MYADML2: variants seen among roughly 807,000 people sequenced by gnomAD.
The protein encoded by MYADML2 is myeloid-associated differentiation marker-like protein 2.
In MYADML2, 17 loss-of-function variants were observed where a neutral mutation model predicts 16.0. The observed-to-expected ratio is 1.06, with a 90% CI of 0.73 to 1.60. The LOEUF (loss-of-function observed/expected upper bound fraction) is 1.60, where lower values mean the gene tolerates loss of function less well. MYADML2 is among the 40% of genes most tolerant of loss of function. The pLI is 0.00. For missense variants in MYADML2, 422 were observed against 437.7 expected (o/e 0.96, Z 0.32); for synonymous variants, 210 against 208.1 (o/e 1.01, Z -0.08).
chr17:81,945,701 CAAAA>C (rs993338502), intron 1 of MYADML2, among the ~76,000 whole-genome samples: 1 of 119,266 alleles, frequency 8.4e-6, no homozygotes. Context: ...GACTCCATCT[CAAAA>C]AAAAAAAAAA....
In MYADML2 at chr17:81,941,788, GTC is replaced by G. The variant is rs917983503; in HGVS notation, c.-49_-48del. The G allele has an allele frequency of 9.5e-5, 138 of 1,457,070 alleles. No homozygotes were observed. In the African/African-American group the frequency reaches 1.5e-3, roughly 15 times the overall value. 90.3% of individuals were successfully genotyped at this position (1,457,070 alleles called of 1,614,324 possible). A position where few individuals can be genotyped will look rare whatever the true frequency, so the allele number is the denominator to read the frequency against. On this transcript the variant is annotated 5_prime_UTR_variant, in exon 3 of 3. Coordinates refer to ENST00000409745, the MANE Select transcript of MYADML2 (RefSeq NM_001145113.3). ...TCACACAGTCCCCCAAGGCCCTGGG[GTC>G]CCTGCTGGGCCAAGGCCCCTCAGTC...
chr17:81,943,646 G>A lies in MYADML2; in HGVS notation c.-180-1273C>T, dbSNP rs1371607172. Among the ~76,000 whole-genome samples, 91 of 140,574 alleles carry A rather than the reference G, an allele frequency of 6.5e-4. No homozygotes were observed. In the Middle Eastern group the frequency reaches 0.015, roughly 23 times the overall value. 92.2% of individuals were successfully genotyped at this position (140,574 alleles called of 152,430 possible). A position where few individuals can be genotyped will look rare whatever the true frequency, so the allele number is the denominator to read the frequency against. On this transcript the variant is annotated intron_variant, in intron 1 of 2. Transcript: ENST00000409745. ...TCTCGATCTCCTGACCTCGTGATCC[G>A]CCCGCCTCAGCCTCCCAAAGTGCTG...
chr17:81,946,792 A>G (rs977842860), intron 1 of MYADML2, among the ~76,000 whole-genome samples: 3 of 152,104 alleles, frequency 2.0e-5, no homozygotes, highest in Non-Finnish European at 2.9e-5. Flanking sequence ...ACCAACCAAC[A>G]TGGTGAAATC....
In MYADML2 at chr17:81,940,667, C is replaced by T. The variant is rs2143917731; in HGVS notation, c.*151G>A. The T allele has an allele frequency of 9.6e-6, 8 of 834,612 alleles. No homozygotes were observed. Among genetic ancestry groups the T allele is most frequent in the South Asian group, 7.5e-5 (4 of 53,674 alleles). The allele number at this position is 834,612 out of a possible 1,614,324, so 51.7% of individuals were successfully genotyped here. ...GTCCCTCTGAGCCCAGTCTGGAAGTCGGGGAGTGACCTCTCCCGTTGTACT... is the reference window on the plus strand; with the variant it reads ...GTCCCTCTGAGCCCAGTCTGGAAGTTGGGGAGTGACCTCTCCCGTTGTACT... On this transcript the variant is annotated 3_prime_UTR_variant, in exon 3 of 3. Coordinates refer to ENST00000409745, the MANE Select transcript of MYADML2 (RefSeq NM_001145113.3).
At chr17:81,945,322 G>A (rs533558128) in intron 1 of MYADML2, among the ~76,000 whole-genome samples, 20 of 151,912 alleles carry the variant, frequency 1.3e-4, no homozygotes, top group Non-Finnish European at 2.4e-4. Flanking sequence ...GGCGGATCAC[G>A]AGGTCAGGAG....
rs1384087805 is a variant in MYADML2, at chr17:81,947,082, G to A, written c.-204C>T. ...ACCAGGTGTTATAAGTAATCAAGAG[G>A]TGATTTAAGTCCAGAGGAGGGGGTT... On this transcript the variant is annotated 5_prime_UTR_variant, in exon 1 of 3. Transcript: ENST00000409745. The A allele has an allele frequency of 6.6e-6, 1 of 152,210 alleles. No individual in the cohort carries two copies. Among genetic ancestry groups the A allele is most frequent in the African/African-American group, 2.4e-5 (1 of 41,450 alleles). 9.4% of individuals were successfully genotyped at this position (152,210 alleles called of 1,614,324 possible).
chr17:81,944,585 C>T (rs2041329795), intron 1 of MYADML2, among the ~76,000 whole-genome samples: 1 of 152,078 alleles, frequency 6.6e-6, no homozygotes, highest in South Asian at 2.1e-4. Flanking sequence ...GATCATCTGA[C>T]ATGGGGCTCC....
chr17:81,945,060 G>A (rs1267264072), intron 1 of MYADML2, among the ~76,000 whole-genome samples: 2 of 152,146 alleles, frequency 1.3e-5, no homozygotes, highest in Admixed American at 1.3e-4. Flanking sequence ...GAGCTCAGGA[G>A]TTCCAGACCA....
intron 1 of MYADML2, among the ~76,000 whole-genome samples, chr17:81,944,280 C>T (rs1433204278): frequency 6.6e-6 from 1 of 151,604 alleles, no homozygotes; most frequent in Non-Finnish European, 1.5e-5. Flanking sequence ...CATGGTGGCA[C>T]GCACCTGTAG....
At position 81,941,967 on chromosome 17, in the gene MYADML2, T is replaced by TG; in HGVS notation, c.-102-125dup. The TG allele has an allele frequency of 6.2e-6, 3 of 483,976 alleles. No individual in the cohort carries two copies. In the Middle Eastern group the frequency reaches 1.6e-3, roughly 256 times the overall value. The allele number at this position is 483,976 out of a possible 1,614,324, so 30.0% of individuals were successfully genotyped here. A position where few individuals can be genotyped will look rare whatever the true frequency, so the allele number is the denominator to read the frequency against. ...CAGAGCCCCGGAATAGCAGCTTGCG[T>TG]GCCTGTCCCCATCTTAGAGAGACAT... On this transcript the variant is annotated intron_variant, in intron 2 of 2. Coordinates refer to ENST00000409745, the MANE Select transcript of MYADML2 (RefSeq NM_001145113.3).
chr17:81,945,059 AGTT>A (rs1567934158), intron 1 of MYADML2, among the ~76,000 whole-genome samples: 2 of 152,016 alleles, frequency 1.3e-5, no homozygotes, highest in African/African-American at 4.8e-5. Context: ...TGAGCTCAGG[AGTT>A]CCAGACCAGC....
chr17:81,941,211 G>T lies in MYADML2; in HGVS notation c.531C>A (p.Ile177=), dbSNP rs954662386. ...LKIVQAFVAC[I]IFGALVHDSR... is the part of the protein sequence containing the mutation. The stretch of plus-strand genomic sequence containing the variant: ...TGTCATGGACCAGCGCCCCGAAGAT[G>T]ATGCAGGCCACGAAGGCCTGGACGA... Residue 177 remains isoleucine, a synonymous_variant, in exon 3 of 3, where the codon ATC becomes ATA. Coordinates refer to ENST00000409745, the MANE Select transcript of MYADML2 (RefSeq NM_001145113.3). 1 of 1,550,186 alleles carries T rather than the reference G, an allele frequency of 6.5e-7. No homozygotes were observed. The highest frequency in any genetic ancestry group is 1.4e-5 in the African/African-American group (1 of 73,176).
In MYADML2 at chr17:81,940,771, T is replaced by A; in HGVS notation, c.*47A>T. On this transcript the variant is annotated 3_prime_UTR_variant, in exon 3 of 3. Transcript: ENST00000409745. ...TCACCTGAGTTTCCCTCGCAGAGCCTGGAGCTGGTGGCCAGAGAGCAGAGG... is the reference window on the plus strand; with the variant it reads ...TCACCTGAGTTTCCCTCGCAGAGCCAGGAGCTGGTGGCCAGAGAGCAGAGG... 6.8e-7 allele frequency: 1 copy of A among 1,462,776 alleles called. No homozygotes were observed. Among genetic ancestry groups the A allele is most frequent in the Non-Finnish European group, 9.1e-7 (1 of 1,102,158 alleles). The allele number at this position is 1,462,776 out of a possible 1,614,324, so 90.6% of individuals were successfully genotyped here.
At position 81,942,964 on chromosome 17, in the gene MYADML2, G is replaced by C. The variant is rs1244227268; in HGVS notation, c.-180-591C>G. ...AGGCTCAAGTGATCCTCCTGCCTCA[G>C]CCTTTTTATTTATTTACTTATTTAT... is the stretch of plus-strand genomic sequence containing the variant. On this transcript the variant is annotated intron_variant, in intron 1 of 2. Transcript: ENST00000409745. This position sits in a 1 kb window ranked among gnomAD's most constrained non-coding sequence, Gnocchi z 4.4. Among the ~76,000 whole-genome samples the C allele has an allele frequency of 6.6e-6, 1 of 152,024 alleles. No individual in the cohort carries two copies. The highest frequency in any genetic ancestry group is 2.4e-5 in the African/African-American group (1 of 41,378).
Position 81,940,642 on chromosome 17 carries a change from G to T in MYADML2, c.*176C>A. The T allele has an allele frequency of 1.4e-6, 1 of 690,158 alleles. No homozygotes were observed. Among genetic ancestry groups the T allele is most frequent in the Non-Finnish European group, 2.4e-6 (1 of 421,934 alleles). The allele number at this position is 690,158 out of a possible 1,614,324, so 42.8% of individuals were successfully genotyped here. On this transcript the variant is annotated 3_prime_UTR_variant, in exon 3 of 3. Transcript: ENST00000409745. ...GCCTCTGCCCTACTGTCCTGCCCTT[G>T]TCCCTCTGAGCCCAGTCTGGAAGTC...
In MYADML2 at chr17:81,941,040, G is replaced by C; in HGVS notation, c.702C>G (p.Tyr234Ter). The C allele has an allele frequency of 6.4e-7, 1 of 1,550,414 alleles. No homozygotes were observed. The change falls in exon 3 of 3, where the codon TAC becomes TAG. Residue 234 changes from tyrosine to a stop codon, truncating the protein, a stop_gained. Transcript: ENST00000409745. LOFTEE classifies it high-confidence loss of function. ...GCPFDRLVVV[Y>*]TFLAVLLYLS... ...GGTACAGGAGCACAGCCAGGAAGGT[G>C]TACACCACCACCAGCCGGTCAAAGG...
rs1277791740 is a variant in MYADML2 at position 81,941,717 on chromosome 17, C to T, written c.25G>A (p.Gly9Arg). 1 of 1,530,844 alleles carries T rather than the reference C, an allele frequency of 6.5e-7. No homozygotes were observed. Among genetic ancestry groups the T allele is most frequent in the Non-Finnish European group, 8.8e-7 (1 of 1,135,344 alleles). The allele number at this position is 1,530,844 out of a possible 1,614,324, so 94.8% of individuals were successfully genotyped here. Residue 9 changes from glycine (G) to arginine (R), a missense_variant, in exon 3 of 3, where the codon GGG becomes AGG. Transcript: ENST00000409745. MGSTMEPP[G>R]GAYLHLGAVT... The stretch of plus-strand genomic sequence containing the variant: ...GCGCCCAGGTGCAGGTACGCACCCC[C>T]AGGGGGCTCCATGGTGCTGCCCATC...
rs1051306092 is a variant in MYADML2 at position 81,941,759 on chromosome 17, C to T, written c.-18G>A. ...CTGCCCATCTGGCCAGCCACGTTTC[C>T]AGCTCACACAGTCCCCCAAGGCCCT... On this transcript the variant is annotated 5_prime_UTR_variant, in exon 3 of 3. Transcript: ENST00000409745. 2.0e-6 allele frequency: 3 copies of T among 1,486,708 alleles called. No individual in the cohort carries two copies. Among genetic ancestry groups the T allele is most frequent in the South Asian group, 1.3e-5 (1 of 74,966 alleles). 92.1% of individuals were successfully genotyped at this position (1,486,708 alleles called of 1,614,324 possible). A position where few individuals can be genotyped will look rare whatever the true frequency, so the allele number is the denominator to read the frequency against.
rs184549522 is a variant in MYADML2, at chr17:81,943,767, C to T, written c.-180-1394G>A. Among the ~76,000 whole-genome samples, 748 of 152,216 alleles carry T rather than the reference C, an allele frequency of 4.9e-3. 5 individuals are homozygous for T. Among genetic ancestry groups the T allele is most frequent in the African/African-American group, 0.017 (702 of 41,510 alleles). ...ATCACCTGGATTCAACCACTTTGAA[C>T]ATCTTCTGGTATATCCTTGTATGTA... is the stretch of plus-strand genomic sequence containing the variant. On this transcript the variant is annotated intron_variant, in intron 1 of 2. Transcript: ENST00000409745.
Sources: allele counts gnomAD v4.1 joint callset (sites outside exome capture counted in the v4.1 genomes callset), GRCh38; gene constraint gnomAD v4.1.1; non-coding constraint Gnocchi (gnomAD v3.1); transcripts MANE v1.5; gene names NCBI Gene and HGNC (gene_info 2026-07-23, HGNC 2026-07-21).